The following EBF1 variants were observed in gnomAD, a reference collection of about 807,000 sequenced individuals.
EBF1 encodes the protein transcription factor COE1.
EBF1 carries 10 observed loss-of-function variants against 68.4 expected under a neutral mutation model. The observed-to-expected ratio is 0.15, with a 90% CI of 0.09 to 0.25. EBF1 has a LOEUF of 0.25. EBF1 is among the 10% of genes least tolerant of loss of function. The probability of loss-of-function intolerance (pLI) is 1.00; values close to 1 mark genes in which losing one functional copy is unlikely to be tolerated. For missense variants in EBF1, 509 were observed against 794.4 expected (o/e 0.64, Z 4.32); for synonymous variants, 298 against 299.8 (o/e 0.99, Z 0.06).
Position 158,956,820 on chromosome 5 carries a change from G to A in EBF1, c.554+116576C>T, listed in dbSNP as rs539092109. ...GTCGCCCAGGCTGGAGTGCAGTGGC[G>A]CGATCTGGGCTCACTGCAAACTCCA... On this transcript the variant is annotated intron_variant, in intron 6 of 15. Transcript: ENST00000313708. Among the ~76,000 whole-genome samples, 16 of 147,650 alleles carry A rather than the reference G, an allele frequency of 1.1e-4. No individual in the cohort carries two copies. The East Asian group carries it at 2.6e-3, about 24-fold the overall frequency.
chr5:158,904,270 T>G (rs1804077249), intron 6 of EBF1, among the ~76,000 whole-genome samples: 1 of 152,098 alleles, frequency 6.6e-6, no homozygotes, highest in Non-Finnish European at 1.5e-5. Context: ...GACCTGAAGA[T>G]CCAATGAGTT....
chr5:158,942,778 C>T (rs1029187417), intron 6 of EBF1, among the ~76,000 whole-genome samples: 5 of 151,084 alleles, frequency 3.3e-5, no homozygotes, highest in Non-Finnish European at 4.4e-5. Context: ...CCAGGGTTGG[C>T]GCCATACATC....
intron 8 of EBF1, among the ~76,000 whole-genome samples, chr5:158,813,783 T>C (rs1293307567): frequency 6.6e-6 from 1 of 152,148 alleles, no homozygotes; most frequent in Non-Finnish European, 1.5e-5. Context: ...TTTCTGCACA[T>C]ATAACTGAAA....
At chr5:158,734,366 A>G (rs1161278557) in intron 10 of EBF1, among the ~76,000 whole-genome samples, 1 of 152,204 alleles carries the variant, frequency 6.6e-6, no homozygotes, top group Admixed American at 6.5e-5. Flanking sequence ...ATAAGAAACT[A>G]TGCTTTAAGA....
chr5:158,772,085 G>C (rs1378832306), intron 10 of EBF1, among the ~76,000 whole-genome samples: 1 of 152,130 alleles, frequency 6.6e-6, no homozygotes, highest in Non-Finnish European at 1.5e-5. Context: ...CTCGGGACTT[G>C]GGCTACGTCT....
At chr5:159,005,452 C>T (rs1038963604) in intron 6 of EBF1, among the ~76,000 whole-genome samples, 1 of 152,202 alleles carries the variant, frequency 6.6e-6, no homozygotes, top group Non-Finnish European at 1.5e-5. Flanking sequence ...CCAAGGGACT[C>T]TTCCTATTTT....
intron 6 of EBF1, among the ~76,000 whole-genome samples, chr5:158,899,114 A>G (rs767979701): frequency 3.9e-5 from 6 of 152,220 alleles, no homozygotes; most frequent in Non-Finnish European, 8.8e-5. Flanking sequence ...TGAAAATGAA[A>G]ATTACATATT....
intron 10 of EBF1, among the ~76,000 whole-genome samples, chr5:158,754,596 A>G (rs1352947139): frequency 6.6e-6 from 1 of 152,138 alleles, no homozygotes; most frequent in Non-Finnish European, 1.5e-5. Context: ...TCATTTATTT[A>G]TTCTGTCAAT....
Position 158,870,926 on chromosome 5 carries a change from T to G in EBF1, c.555-30816A>C, listed in dbSNP as rs187123875. ...GAAACAAGATAGCTGTTTCCAAATA[T>G]TTGAACTATTTACTCTTTGTACGAA... On this transcript the variant is annotated intron_variant, in intron 6 of 15. Coordinates refer to ENST00000313708, the MANE Select transcript of EBF1 (RefSeq NM_024007.5). 2.0e-3 allele frequency among the ~76,000 whole-genome samples: 298 copies of G among 152,312 alleles called. 2 individuals carry two copies. Among genetic ancestry groups the G allele is most frequent in the Non-Finnish European group, 3.5e-4 (24 of 68,030 alleles).
At chr5:158,825,294 TAG>T (rs760779332) in intron 7 of EBF1, among the ~76,000 whole-genome samples, 2 of 152,232 alleles carry the variant, frequency 1.3e-5, no homozygotes, top group African/African-American at 2.4e-5. Context: ...CTTTTCTTTT[TAG>T]AGAGACGACT....
rs185731356 is a variant in EBF1, at chr5:159,038,465, A to T, written c.554+34931T>A. On this transcript the variant is annotated intron_variant, in intron 6 of 15. Transcript: ENST00000313708. Reference sequence around the variant, plus strand: ...TTAAGACTCACGGTCAAAACAACTTAAAAAAAATCAAATGCAGGGTGGCAC... The same window carrying T: ...TTAAGACTCACGGTCAAAACAACTTTAAAAAAATCAAATGCAGGGTGGCAC... Among the ~76,000 whole-genome samples the T allele has an allele frequency of 3.9e-5, 6 of 152,228 alleles. No individual in the cohort carries two copies. The East Asian group carries it at 1.2e-3, about 29-fold the overall frequency.
chr5:158,721,465 T>C (rs1761922004), intron 11 of EBF1, among the ~76,000 whole-genome samples: 1 of 152,204 alleles, frequency 6.6e-6, no homozygotes, highest in South Asian at 2.1e-4. Context: ...AGAGATTTTG[T>C]CTGAGTTGCA....
At chr5:158,950,522 G>A (rs1815734008) in intron 6 of EBF1, among the ~76,000 whole-genome samples, 1 of 152,064 alleles carries the variant, frequency 6.6e-6, no homozygotes, top group Non-Finnish European at 1.5e-5. Context: ...ACAGAAGAGG[G>A]GCTTAATAAA....
In EBF1 at chr5:158,946,815, C is replaced by A. The variant is rs1203329185; in HGVS notation, c.555-106705G>T. 2.0e-5 allele frequency among the ~76,000 whole-genome samples: 3 copies of A among 152,170 alleles called. No homozygotes were observed. In the East Asian group the frequency reaches 5.8e-4, roughly 29 times the overall value. On this transcript the variant is annotated intron_variant, in intron 6 of 15. Transcript: ENST00000313708. ...GCCCCTTCACCAAGGTGCTCTGTCCCAGGGAGATGGAAGTTTTATCTATAA... is the reference window on the plus strand; with the variant it reads ...GCCCCTTCACCAAGGTGCTCTGTCCAAGGGAGATGGAAGTTTTATCTATAA...
At chr5:159,049,931 T>C (rs967283417) in intron 6 of EBF1, among the ~76,000 whole-genome samples, 1 of 151,258 alleles carries the variant, frequency 6.6e-6, no homozygotes, top group Non-Finnish European at 1.5e-5. Context: ...TTCATTCAAT[T>C]TGGTGGGTCC....
At chr5:158,756,996 AAAAG>A (rs1374622456) in intron 10 of EBF1, among the ~76,000 whole-genome samples, 2 of 151,856 alleles carry the variant, frequency 1.3e-5, no homozygotes, top group African/African-American at 4.8e-5. Context: ...AAAAAAAAGA[AAAAG>A]AAAGTGGGCT....
intron 6 of EBF1, among the ~76,000 whole-genome samples, chr5:158,957,564 A>T (rs1817389527): frequency 1.3e-5 from 2 of 152,226 alleles, no homozygotes; most frequent in African/African-American, 4.8e-5. Flanking sequence ...TCAAGGTTCA[A>T]GAAAAAAATG....
At chr5:158,913,720 C>T (rs1263209115) in intron 6 of EBF1, among the ~76,000 whole-genome samples, 1 of 152,170 alleles carries the variant, frequency 6.6e-6, no homozygotes, top group Admixed American at 6.5e-5. Flanking sequence ...CGGACACCTA[C>T]CAAGGATACA....
intron 5 of EBF1, among the ~76,000 whole-genome samples, chr5:159,075,826 G>A (rs13172519): frequency 0.24 from 36,417 of 151,894 alleles, 4,913 homozygotes; most frequent in Non-Finnish European, 0.31. Context: ...AGCTCCTACC[G>A]CACTGGCCCA....
Sources: gnomAD v4.1 joint callset for allele counts (sites outside exome capture counted in the v4.1 genomes callset) on GRCh38, gnomAD v4.1.1 for gene constraint, MANE v1.5 for transcripts, NCBI Gene and HGNC (gene_info 2026-07-23, HGNC 2026-07-21) for gene names.